CDH13: variants seen among roughly 807,000 people sequenced by gnomAD.
CDH13 encodes the protein cadherin 13, also known as cadherin-13.
CDH13 carries 24 observed loss-of-function variants against 63.8 expected under a neutral mutation model. That is an observed-to-expected ratio of 0.38 (90% confidence interval 0.27 to 0.53). The LOEUF is 0.53. Ranked by LOEUF, CDH13 falls within the 20% of genes least tolerant of loss-of-function variation. The probability of loss-of-function intolerance (pLI) is 0.85; values close to 1 mark genes in which losing one functional copy is unlikely to be tolerated. For missense variants in CDH13, 1,049 were observed against 903.1 expected, an observed-to-expected ratio of 1.16 and a Z score of -2.07; for synonymous variants, 503 against 355.3, an observed-to-expected ratio of 1.42 and a Z score of -4.67.
rs191356244 is a variant in CDH13, at chr16:82,972,773, T to G, written c.158-59237T>G. 2.7e-5 allele frequency among the ~76,000 whole-genome samples: 4 copies of G among 149,996 alleles called. No individual in the cohort carries two copies. In the East Asian group the frequency reaches 7.9e-4, roughly 30 times the overall value. On this transcript the variant is annotated intron_variant, in intron 2 of 13. Coordinates refer to ENST00000567109, the MANE Select transcript of CDH13 (RefSeq NM_001257.5). ...GTTGTCAAAGCAAGAATCAGCCTTGTGTTTACAACCACTGAGAAAGAGCTT... is the reference window on the plus strand; with the variant it reads ...GTTGTCAAAGCAAGAATCAGCCTTGGGTTTACAACCACTGAGAAAGAGCTT...
At chr16:83,758,585 C>T (rs573772227) in intron 11 of CDH13, among the ~76,000 whole-genome samples, 1 of 152,098 alleles carries the variant, frequency 6.6e-6, no homozygotes, top group South Asian at 2.1e-4. Flanking sequence ...AAATACTAGG[C>T]TTAGGAATTA....
At position 83,572,240 on chromosome 16, in the gene CDH13, G is replaced by A. The variant is rs146397833; in HGVS notation, c.961-30214G>A. 2.1e-3 allele frequency among the ~76,000 whole-genome samples: 310 copies of A among 150,816 alleles called. 1 individual carries two copies. The highest frequency in any genetic ancestry group is 5.9e-3 in the African/African-American group (245 of 41,264). ...TCACTATTGTTGCCCAGGTTGGAGTGCAATGGCGTGATCTTAGCTCATTGC... is the reference window on the plus strand; with the variant it reads ...TCACTATTGTTGCCCAGGTTGGAGTACAATGGCGTGATCTTAGCTCATTGC... On this transcript the variant is annotated intron_variant, in intron 7 of 13. Coordinates refer to ENST00000567109, the MANE Select transcript of CDH13 (RefSeq NM_001257.5).
intron 6 of CDH13, among the ~76,000 whole-genome samples, chr16:83,483,227 C>T (rs75603794): frequency 2.5e-4 from 38 of 152,288 alleles, no homozygotes; most frequent in African/African-American, 8.2e-4. Flanking sequence ...CCCTCAGAGG[C>T]GCGATTTCCT....
rs897379151 is a variant in CDH13, at chr16:82,670,669, G to C, written c.45+43532G>C. Among the ~76,000 whole-genome samples, 35 of 152,202 alleles carry C rather than the reference G, an allele frequency of 2.3e-4. 1 individual carries two copies. Among genetic ancestry groups the C allele is most frequent in the African/African-American group, 8.0e-4 (33 of 41,442 alleles). ...TGCAATGTTCAGAGTATATAGACTG[G>C]CACGTAATTTGGGGTAGTCGGGTAT... On this transcript the variant is annotated intron_variant, in intron 1 of 13. Transcript: ENST00000567109.
chr16:83,658,228 ATCCTCACCAGCAAGGTCCCATG>A (rs1913069950), intron 8 of CDH13, among the ~76,000 whole-genome samples: 1 of 128,252 alleles, frequency 7.8e-6, no homozygotes, highest in Non-Finnish European at 1.7e-5. Flanking sequence ...CAGGTCCCAT[ATCCTCACCAGCAAGGTCCCATG>A]TCCTCACCAC....
chr16:83,596,491 C>G (rs1907271923), intron 7 of CDH13, among the ~76,000 whole-genome samples: 1 of 152,170 alleles, frequency 6.6e-6, no homozygotes, highest in Non-Finnish European at 1.5e-5. Context: ...ATCTCTTTCT[C>G]TGCATCAAAA....
chr16:83,252,384 A>G (rs1209158678), intron 5 of CDH13, among the ~76,000 whole-genome samples: 1 of 151,906 alleles, frequency 6.6e-6, no homozygotes, highest in Non-Finnish European at 1.5e-5. Context: ...AATCATGGCC[A>G]TAACTTCCTA....
intron 1 of CDH13, chr16:82,825,786 A>G (rs1175432659): frequency 2.0e-5 from 3 of 150,150 alleles, no homozygotes; most frequent in African/African-American, 7.4e-5. Context: ...AGCTCAGGTG[A>G]TCCACCTGCC....
intron 4 of CDH13, among the ~76,000 whole-genome samples, chr16:83,191,460 T>TATATATATATATATATATATATATGCAC (rs1567492892): frequency 4.3e-5 from 3 of 69,530 alleles, no homozygotes; most frequent in East Asian, 1.1e-3. Context: ...TAATAGGAAA[T>TATATATATATATATATATATATATGCAC]ATATATATAT....
intron 3 of CDH13, among the ~76,000 whole-genome samples, chr16:83,093,517 A>T (rs11646533): frequency 2.4e-4 from 37 of 151,318 alleles, no homozygotes; most frequent in African/African-American, 9.0e-4. Context: ...ATGGGATTTC[A>T]CCGTGTTGGC....
At chr16:83,543,546 C>G (rs1359577016) in intron 7 of CDH13, among the ~76,000 whole-genome samples, 1 of 152,202 alleles carries the variant, frequency 6.6e-6, no homozygotes, top group African/African-American at 2.4e-5. Context: ...AGATCTCTTT[C>G]TTTGAATCCC....
At chr16:82,865,957 A>G (rs1270106769) in intron 2 of CDH13, among the ~76,000 whole-genome samples, 2 of 152,174 alleles carry the variant, frequency 1.3e-5, no homozygotes, top group Non-Finnish European at 2.9e-5. Context: ...ATGCTTGAAC[A>G]CTTTGCTGCT....
intron 1 of CDH13, among the ~76,000 whole-genome samples, chr16:82,814,561 G>A (rs544277682): frequency 6.6e-6 from 1 of 152,250 alleles, no homozygotes; most frequent in Non-Finnish European, 1.5e-5. Context: ...GGAGGGTGGT[G>A]TGCCCACAGA....
chr16:82,840,466 T>A (rs2038958849), intron 1 of CDH13, among the ~76,000 whole-genome samples: 1 of 151,736 alleles, frequency 6.6e-6, no homozygotes, highest in South Asian at 2.1e-4. Context: ...ACAGATCATT[T>A]GAGGTCAGGA....
At chr16:83,183,167 G>A (rs1216914437) in intron 4 of CDH13, among the ~76,000 whole-genome samples, 1 of 152,104 alleles carries the variant, frequency 6.6e-6, no homozygotes, top group Non-Finnish European at 1.5e-5. Context: ...CCTGATAAAA[G>A]GAAAAGGGAT....
intron 2 of CDH13, among the ~76,000 whole-genome samples, chr16:82,983,111 G>C (rs1300864202): frequency 6.6e-6 from 1 of 152,150 alleles, no homozygotes; most frequent in African/African-American, 2.4e-5. Context: ...TTCAGCAAGG[G>C]AGGGATACTA....
intron 1 of CDH13, among the ~76,000 whole-genome samples, chr16:82,739,754 TA>T (rs531521087): frequency 6.6e-6 from 1 of 151,992 alleles, no homozygotes; most frequent in Non-Finnish European, 1.5e-5. Context: ...ATTAGCAAGT[TA>T]AAAAAAACTA....
intron 5 of CDH13, among the ~76,000 whole-genome samples, chr16:83,244,119 T>C (rs1407112259): frequency 6.6e-6 from 1 of 152,000 alleles, no homozygotes; most frequent in African/African-American, 2.4e-5. Flanking sequence ...CCCCTCTTTT[T>C]TTCAGCATCC....
intron 6 of CDH13, among the ~76,000 whole-genome samples, chr16:83,393,997 C>G (rs1316535712): frequency 6.6e-6 from 1 of 152,038 alleles, no homozygotes; most frequent in African/African-American, 2.4e-5. Flanking sequence ...AAGGCAGGAA[C>G]AGAAATCCAA....
Sources: allele counts gnomAD v4.1 joint callset (sites outside exome capture counted in the v4.1 genomes callset), GRCh38; gene constraint gnomAD v4.1.1; transcripts MANE v1.5; gene names NCBI Gene and HGNC (gene_info 2026-07-23, HGNC 2026-07-21).